Variants in PRKCZ observed in about 807,000 individuals in gnomAD.
PRKCZ encodes protein kinase C zeta type.
In PRKCZ, 33 loss-of-function variants were observed where a neutral mutation model predicts 79.5. The observed-to-expected ratio is 0.41, with a 90% CI of 0.31 to 0.55. The LOEUF (loss-of-function observed/expected upper bound fraction) is 0.55. PRKCZ is among the 20% of genes least tolerant of loss of function. PRKCZ has a pLI of 0.19. For missense variants in PRKCZ, 578 were observed against 813.5 expected, an observed-to-expected ratio of 0.71 and a Z score of 3.52; for synonymous variants, 342 against 320.9, an observed-to-expected ratio of 1.07 and a Z score of -0.70.
At chr1:2,117,338 A>G (rs76082106) in intron 4 of PRKCZ, among the ~76,000 whole-genome samples, 1,728 of 150,520 alleles carry the variant, frequency 0.011, 37 homozygotes, top group African/African-American at 0.038. Context: ...TTCAGTGCTT[A>G]TGCTGTTTTA....
chr1:2,056,196 G>A (rs1030056469), intron 2 of PRKCZ, among the ~76,000 whole-genome samples: 14 of 152,218 alleles, frequency 9.2e-5, no homozygotes, highest in African/African-American at 2.9e-4. Flanking sequence ...ACTGACCTCC[G>A]GAGAGTGTCC....
intron 4 of PRKCZ, among the ~76,000 whole-genome samples, chr1:2,105,509 C>T (rs1668232364): frequency 6.6e-6 from 1 of 152,224 alleles, no homozygotes; most frequent in African/African-American, 2.4e-5. Flanking sequence ...AAGCGATTCT[C>T]TTGCCTCGGC....
In PRKCZ at chr1:2,075,747, C is replaced by G. The variant is rs1662283935; in HGVS notation, c.334+16156C>G. 6.6e-6 allele frequency among the ~76,000 whole-genome samples: 1 copy of G among 152,214 alleles called. No homozygotes were observed. The highest frequency in any genetic ancestry group is 2.4e-5 in the African/African-American group (1 of 41,444). ...TCCACAGGGTGCCTGAGAGCCCAGC[C>G]CATCCACACTGGGTGCCCCAGACCT... On this transcript the variant is annotated intron_variant, in intron 4 of 17. Transcript: ENST00000378567. The surrounding 1 kb of genome is among the most constrained non-coding windows in gnomAD (Gnocchi z 4.8).
At chr1:2,170,417 T>C (rs901594378) in intron 11 of PRKCZ, among the ~76,000 whole-genome samples, 13 of 152,218 alleles carry the variant, frequency 8.5e-5, no homozygotes, top group Non-Finnish European at 8.8e-5. Context: ...CACCTTAGAT[T>C]GTTTCTGGCA....
intron 2 of PRKCZ, chr1:2,055,777 G>A (rs1571081055): frequency 4.7e-6 from 3 of 640,632 alleles, no homozygotes; most frequent in East Asian, 6.3e-5. Flanking sequence ...CCTAGGAAGG[G>A]CTCTGGTCTT....
intron 4 of PRKCZ, among the ~76,000 whole-genome samples, chr1:2,103,282 T>A (rs2102610277): frequency 6.6e-6 from 1 of 152,296 alleles, no homozygotes; most frequent in Middle Eastern, 3.4e-3. Flanking sequence ...AAAAAGCAAG[T>A]CGTAGCCCCA....
intron 3 of PRKCZ, 129 bp from the exon 4 acceptor site, chr1:2,059,412 A>G: frequency 2.7e-6 from 3 of 1,117,496 alleles, no homozygotes; most frequent in Non-Finnish European, 2.6e-6. Flanking sequence ...GCGGGCTCTC[A>G]TTGGCAGTGC....
chr1:2,088,824 T>G (rs1161683608), intron 4 of PRKCZ, among the ~76,000 whole-genome samples: 1 of 152,232 alleles, frequency 6.6e-6, no homozygotes, highest in Non-Finnish European at 1.5e-5. Context: ...AATCAGTGTT[T>G]CTGGTTGTGA....
chr1:2,162,897 G>GT (rs1390907299), intron 10 of PRKCZ, among the ~76,000 whole-genome samples: 4 of 151,640 alleles, frequency 2.6e-5, no homozygotes, highest in African/African-American at 9.8e-5. Flanking sequence ...CTTCCTTGTA[G>GT]TAACTTTCAT....
intron 4 of PRKCZ, among the ~76,000 whole-genome samples, chr1:2,122,302 C>T (rs1278313847): frequency 4.0e-3 from 1 of 248 alleles, no homozygotes. Flanking sequence ...GTTAGGGTCA[C>T]GGTGGTAGGG....
chr1:2,114,992 G>A (rs1377660236), intron 4 of PRKCZ, among the ~76,000 whole-genome samples: 1 of 152,364 alleles, frequency 6.6e-6, no homozygotes, highest in Non-Finnish European at 1.5e-5. Context: ...AAACTGCACC[G>A]CGTCACATAG....
intron 10 of PRKCZ, chr1:2,169,266 C>A (rs893290605): frequency 3.7e-6 from 2 of 534,858 alleles, no homozygotes; most frequent in Non-Finnish European, 7.2e-6. Flanking sequence ...CAAGTCCACA[C>A]ACAGTGGCCA....
At chr1:2,182,213 G>C (rs545467578) in intron 16 of PRKCZ, 1 of 229,706 alleles carries the variant, frequency 4.4e-6, no homozygotes, top group African/African-American at 2.3e-5. Context: ...TGTTGTTGTT[G>C]TGGCTGTTCT....
intron 9 of PRKCZ, among the ~76,000 whole-genome samples, chr1:2,154,924 G>T (rs937048375): frequency 6.6e-6 from 1 of 152,194 alleles, no homozygotes; most frequent in South Asian, 2.1e-4. Context: ...ACTCGGTAGC[G>T]CTGGGACCTT....
rs1685794759 is a variant in PRKCZ, at chr1:2,177,931, C to T, written c.1575+2618C>T. 6.6e-6 allele frequency among the ~76,000 whole-genome samples: 1 copy of T among 151,488 alleles called. No individual in the cohort carries two copies. Among genetic ancestry groups the T allele is most frequent in the African/African-American group, 2.4e-5 (1 of 40,840 alleles). ...CGCCGGCCCTGCCTCTGCCACCGAC[C>T]GCCGACCCTGCCTCTGCCGTTTCCT... On this transcript the variant is annotated intron_variant, in intron 16 of 17. Coordinates refer to ENST00000378567, the MANE Select transcript of PRKCZ (RefSeq NM_002744.6). This position sits in a 1 kb window ranked among gnomAD's most constrained non-coding sequence, Gnocchi z 6.4.
At chr1:2,138,000 C>T (rs541778082) in intron 5 of PRKCZ, among the ~76,000 whole-genome samples, 2 of 152,314 alleles carry the variant, frequency 1.3e-5, no homozygotes, top group African/African-American at 2.4e-5. Flanking sequence ...GTCCGATTCC[C>T]GCCTAATTGT....
chr1:2,148,992 GGT>G, intron 8 of PRKCZ, 68 bp downstream of exon 8: 1 of 1,520,582 alleles, frequency 6.6e-7, no homozygotes, highest in Non-Finnish European at 9.1e-7. Context: ...CTGTCTCTGG[GGT>G]AGTCACGGAA....
At chr1:2,055,921 C>T (rs1660115951) in intron 2 of PRKCZ, 2 of 209,474 alleles carry the variant, frequency 9.5e-6, no homozygotes, top group African/African-American at 2.3e-5. Flanking sequence ...CTAGGGACCA[C>T]GGGGAGGGCA....
At chr1:2,158,421 C>T (rs1174715063) in intron 10 of PRKCZ, among the ~76,000 whole-genome samples, 3 of 152,244 alleles carry the variant, frequency 2.0e-5, no homozygotes, top group Non-Finnish European at 4.4e-5. Context: ...TTCAGCGTGG[C>T]GCCCTCGCCC....
Sources: gnomAD v4.1 joint callset for allele counts (sites outside exome capture counted in the v4.1 genomes callset) on GRCh38, gnomAD v4.1.1 for gene constraint, Gnocchi (gnomAD v3.1) non-coding constraint, MANE v1.5 for transcripts, NCBI Gene and HGNC (gene_info 2026-07-23, HGNC 2026-07-21) for gene names.